Variants in GALNT15 observed in about 807,000 individuals in gnomAD.
The protein encoded by GALNT15 is UDP-GalNAc transferase T15.
In GALNT15, 67 loss-of-function variants were observed where a neutral mutation model predicts 66.8. That is an observed-to-expected ratio of 1.00 (90% CI 0.82 to 1.23). The LOEUF is 1.23. Ranked by LOEUF, GALNT15 falls within the 50% of genes most tolerant of loss-of-function variation. The probability of loss-of-function intolerance (pLI) is 0.00; values close to 1 mark genes in which losing one functional copy is unlikely to be tolerated. For missense variants in GALNT15, 827 were observed against 804.3 expected, an observed-to-expected ratio of 1.03 and a Z score of -0.34; for synonymous variants, 313 against 311.5, an observed-to-expected ratio of 1.00 and a Z score of -0.05.
In GALNT15 at chr3:16,219,616, C is replaced by G; in HGVS notation, c.1524+82C>G. On this transcript the variant is annotated intron_variant, in intron 7 of 9. Transcript: ENST00000339732. The surrounding 1 kb of genome is among the most constrained non-coding windows in gnomAD (Gnocchi z 4.3). ...CTAGATGTTCAGCTCTTCCATGTCC[C>G]TGGTCAACCATTCACGGTTTAGCAG... 6.4e-7 allele frequency: 1 copy of G among 1,555,666 alleles called. No homozygotes were observed.
Position 16,188,697 on chromosome 3 carries a change from G to A in GALNT15, c.540-7063G>A, listed in dbSNP as rs1211797108. On this transcript the variant is annotated intron_variant, in intron 1 of 9. Transcript: ENST00000339732. This position sits in a 1 kb window ranked among gnomAD's most constrained non-coding sequence, Gnocchi z 4.6. ...TAGCCAGCTTCCTAGGTTTCCAGTGGCTTCTCTGAATTGCTGCTCAAACCC... is the reference window on the plus strand; with the variant it reads ...TAGCCAGCTTCCTAGGTTTCCAGTGACTTCTCTGAATTGCTGCTCAAACCC... Among the ~76,000 whole-genome samples the A allele has an allele frequency of 2.0e-5, 3 of 152,134 alleles. No individual in the cohort carries two copies. Among genetic ancestry groups the A allele is most frequent in the Non-Finnish European group, 4.4e-5 (3 of 68,026 alleles).
At chr3:16,198,527 T>C (rs1214413235) in intron 2 of GALNT15, among the ~76,000 whole-genome samples, 1 of 141,482 alleles carries the variant, frequency 7.1e-6, no homozygotes, top group Admixed American at 7.2e-5. Flanking sequence ...GTGAGGAAGA[T>C]GTTACATTTA....
chr3:16,222,824 G>A, intron 9 of GALNT15, 66 bp downstream of exon 9: 2 of 1,573,830 alleles, frequency 1.3e-6, no homozygotes, highest in African/African-American at 1.3e-5. Context: ...GGTTGGCATT[G>A]GATCCTGGGC....
rs1379721837 is a variant in GALNT15, at chr3:16,229,788, C to T, written c.*2288C>T. ...GCAATTAACAAAAGGACCCAGATGG[C>T]TTATTGCCTAATTGGGTGAACAAAG... On this transcript the variant is annotated 3_prime_UTR_variant, in exon 10 of 10. Transcript: ENST00000339732. 4.1e-6 allele frequency: 4 copies of T among 966,208 alleles called. No homozygotes were observed. The allele number at this position is 966,208 out of a possible 1,614,324, so 59.9% of individuals were successfully genotyped here.
Position 16,187,723 on chromosome 3 carries a change from G to A in GALNT15, c.540-8037G>A, listed in dbSNP as rs953133131. Among the ~76,000 whole-genome samples the A allele has an allele frequency of 6.6e-6, 1 of 152,166 alleles. No individual in the cohort carries two copies. Among genetic ancestry groups the A allele is most frequent in the African/African-American group, 2.4e-5 (1 of 41,436 alleles). On this transcript the variant is annotated intron_variant, in intron 1 of 9. Transcript: ENST00000339732. This position sits in a 1 kb window ranked among gnomAD's most constrained non-coding sequence, Gnocchi z 5.1. ...GAAACACGATGAACAGATATGTTGT[G>A]ACCATCTTTGCACACATGAAAATTC...
chr3:16,205,603 C>T (rs575647095), intron 3 of GALNT15, among the ~76,000 whole-genome samples: 2 of 152,220 alleles, frequency 1.3e-5, no homozygotes, highest in East Asian at 1.9e-4. Context: ...CCAAGTCAAA[C>T]GAGGTCAGCT....
downstream of GALNT15, chr3:16,231,808 A>C: frequency 6.5e-7 from 1 of 1,536,230 alleles, no homozygotes; most frequent in East Asian, 2.4e-5. The surrounding 1 kb of genome is among the most constrained non-coding windows in gnomAD (Gnocchi z 4.1). Context: ...GAACAGGGCC[A>C]ACTCTGCTGC....
At chr3:16,214,493 T>C (rs1242605336) in intron 6 of GALNT15, among the ~76,000 whole-genome samples, 2 of 152,254 alleles carry the variant, frequency 1.3e-5, no homozygotes, top group East Asian at 3.8e-4. Flanking sequence ...TGCCTGGCAC[T>C]GAGTAAGCCC....
In GALNT15 at chr3:16,222,741, C is replaced by T. The variant is rs763710829; in HGVS notation, c.1756C>T (p.His586Tyr). Residue 586 changes from histidine to tyrosine, a missense_variant, in exon 9 of 10, where the codon CAC becomes TAC. By Grantham distance (83) the His-to-Tyr change is moderately conservative. Transcript: ENST00000339732. ...TEEGLAIHQQ[H>Y]WDFQENGMIV... Reference sequence around the variant, plus strand: ...GGAAGGCCTGGCCATCCACCAGCAGCACTGGGACTTCCAGGAGGTGAGTAA... The same window carrying T: ...GGAAGGCCTGGCCATCCACCAGCAGTACTGGGACTTCCAGGAGGTGAGTAA... 6 of 1,614,042 alleles carry T rather than the reference C, an allele frequency of 3.7e-6. No individual in the cohort carries two copies. In the African/African-American group the frequency reaches 8.0e-5, roughly 22 times the overall value.
chr3:16,213,248 G>A (rs1472503046), intron 6 of GALNT15, among the ~76,000 whole-genome samples: 1 of 152,042 alleles, frequency 6.6e-6, no homozygotes, highest in Non-Finnish European at 1.5e-5. Flanking sequence ...GAGGTCAGGA[G>A]ATCGAGACCA....
chr3:16,244,651 C>T, the GALNT15 span, among the ~76,000 whole-genome samples: 14 of 152,332 alleles, frequency 9.2e-5, no homozygotes, highest in African/African-American at 3.1e-4. Flanking sequence ...GCCTCACCAT[C>T]GGCATGTAGA....
rs1007991516 is a variant in GALNT15 at position 16,203,941 on chromosome 3, A to G, written c.911+3118A>G. ...GAAGGCATTTGGTGCAGCTCCTCAC[A>G]TGGAGAGGAGAGGGGGCCCAGCTGT... On this transcript the variant is annotated intron_variant, in intron 3 of 9. Coordinates refer to ENST00000339732, the MANE Select transcript of GALNT15 (RefSeq NM_054110.5). The surrounding 1 kb of genome is among the most constrained non-coding windows in gnomAD (Gnocchi z 6.2). Among the ~76,000 whole-genome samples, 7 of 152,022 alleles carry G rather than the reference A, an allele frequency of 4.6e-5. No individual in the cohort carries two copies. The highest frequency in any genetic ancestry group is 1.7e-4 in the African/African-American group (7 of 41,396).
At position 16,200,706 on chromosome 3, in the gene GALNT15, G is replaced by C; in HGVS notation, c.794G>C (p.Arg265Thr). The change falls in exon 3 of 10, where the codon AGG (arginine) becomes ACG (threonine). Residue 265 changes from arginine to threonine, a missense_variant. By Grantham distance (71) the Arg-to-Thr change is moderately conservative (BLOSUM62 -1). Coordinates refer to ENST00000339732, the MANE Select transcript of GALNT15 (RefSeq NM_054110.5). The surrounding 1 kb of genome is among the most constrained non-coding windows in gnomAD (Gnocchi z 4.4). ...AGCAACAAGAGGCTGGGTGCCATCAGGGCCCGGATGCTGGGGGCCACCAGA... is the reference window on the plus strand; with the variant it reads ...AGCAACAAGAGGCTGGGTGCCATCACGGCCCGGATGCTGGGGGCCACCAGA... ...LRSNKRLGAI[R>T]ARMLGATRAT... 6.2e-7 allele frequency: 1 copy of C among 1,611,386 alleles called. No individual in the cohort carries two copies. Among genetic ancestry groups the C allele is most frequent in the Admixed American group, 1.7e-5 (1 of 59,650 alleles).
intron 4 of GALNT15, 54 bp downstream of exon 4, chr3:16,208,724 C>T (rs1236301293): frequency 2.6e-6 from 4 of 1,534,160 alleles, no homozygotes; most frequent in Non-Finnish European, 3.6e-6. Flanking sequence ...ATGGACTCTG[C>T]AGCCTGCCTG....
chr3:16,229,187 C>G lies in GALNT15; in HGVS notation c.*1687C>G, dbSNP rs2064055490. The G allele has an allele frequency of 2.0e-6, 2 of 985,186 alleles. No homozygotes were observed. The highest frequency in any genetic ancestry group is 2.4e-6 in the Non-Finnish European group (2 of 829,758). 61.0% of individuals were successfully genotyped at this position (985,186 alleles called of 1,614,324 possible). On this transcript the variant is annotated 3_prime_UTR_variant, in exon 10 of 10. Coordinates refer to ENST00000339732, the MANE Select transcript of GALNT15 (RefSeq NM_054110.5). ...GAAGTGCAGTGTTTCCAAACAATAC[C>G]TATCATAACTACGTATTCATTGTCT... is the stretch of plus-strand genomic sequence containing the variant.
In GALNT15 at chr3:16,228,224, C is replaced by G; in HGVS notation, c.*724C>G. On this transcript the variant is annotated 3_prime_UTR_variant, in exon 10 of 10. Transcript: ENST00000339732. Reference sequence around the variant, plus strand: ...TACCTCTATTCCCCCTGCCCTAGCTCTTCTCTAACTTGGTTAACCATAACC... The same window carrying G: ...TACCTCTATTCCCCCTGCCCTAGCTGTTCTCTAACTTGGTTAACCATAACC... The G allele has an allele frequency of 1.0e-6, 1 of 985,906 alleles. No homozygotes were observed. Among genetic ancestry groups the G allele is most frequent in the Middle Eastern group, 5.2e-4 (1 of 1,914 alleles). The allele number at this position is 985,906 out of a possible 1,614,324, so 61.1% of individuals were successfully genotyped here.
In GALNT15 at chr3:16,227,690, G is replaced by T; in HGVS notation, c.*190G>T. Reference sequence around the variant, plus strand: ...CACCTTATTTCATTGACTGCTGGCTGCTTTAAAAAAAAAAAAAAAGGATCC... The same window carrying T: ...CACCTTATTTCATTGACTGCTGGCTTCTTTAAAAAAAAAAAAAAAGGATCC... On this transcript the variant is annotated 3_prime_UTR_variant, in exon 10 of 10. Transcript: ENST00000339732. The surrounding 1 kb of genome is among the most constrained non-coding windows in gnomAD (Gnocchi z 4.5). 9.1e-6 allele frequency: 12 copies of T among 1,325,916 alleles called. No homozygotes were observed. Among genetic ancestry groups the T allele is most frequent in the Admixed American group, 4.0e-5 (1 of 25,086 alleles). The allele number at this position is 1,325,916 out of a possible 1,614,324, so 82.1% of individuals were successfully genotyped here.
chr3:16,200,883 A>G lies in GALNT15; in HGVS notation c.911+60A>G. The G allele has an allele frequency of 4.4e-6, 6 of 1,350,374 alleles. No homozygotes were observed. Among genetic ancestry groups the G allele is most frequent in the Non-Finnish European group, 6.1e-6 (6 of 987,836 alleles). 83.6% of individuals were successfully genotyped at this position (1,350,374 alleles called of 1,614,324 possible). On this transcript the variant is annotated intron_variant, in intron 3 of 9. Transcript: ENST00000339732. This position sits in a 1 kb window ranked among gnomAD's most constrained non-coding sequence, Gnocchi z 4.4. ...GGAACTGGGAGAAACAGTCTACAGC[A>G]TCAGCCACTCACAGAGCAACCCACC...
At chr3:16,206,451 G>A (rs755434297) in intron 3 of GALNT15, among the ~76,000 whole-genome samples, 2 of 151,408 alleles carry the variant, frequency 1.3e-5, no homozygotes, top group African/African-American at 2.4e-5. Flanking sequence ...GAGGTTGGGG[G>A]ATCACTAGGT....
Sources: allele counts gnomAD v4.1 joint callset (sites outside exome capture counted in the v4.1 genomes callset), GRCh38; gene constraint gnomAD v4.1.1; non-coding constraint Gnocchi (gnomAD v3.1); transcripts MANE v1.5; gene names NCBI Gene and HGNC (gene_info 2026-07-23, HGNC 2026-07-21).